The following GALNTL6 variants were observed in gnomAD, a reference collection of about 807,000 sequenced individuals.
GALNTL6 encodes the protein polypeptide N-acetylgalactosaminyltransferase like 6.
Under a neutral mutation model 73.7 loss-of-function variants are expected in GALNTL6, and 46 were observed. That is an observed-to-expected ratio of 0.62 (90% CI 0.49 to 0.80). GALNTL6 has a LOEUF of 0.80. Ranked by LOEUF, GALNTL6 falls within the 30% of genes least tolerant of loss-of-function variation. The probability of loss-of-function intolerance (pLI) is 0.00; values close to 1 mark genes in which losing one functional copy is unlikely to be tolerated. For synonymous variants in GALNTL6, 259 were observed against 263.7 expected (o/e 0.98, Z 0.17); for missense variants, 604 against 755.0 (o/e 0.80, Z 2.34).
chr4:172,364,185 G>T (rs963013841), intron 5 of GALNTL6, among the ~76,000 whole-genome samples: 1 of 152,200 alleles, frequency 6.6e-6, no homozygotes, highest in Non-Finnish European at 1.5e-5. Context: ...TCTGTGGGGA[G>T]CCAAAGGCAG....
chr4:172,079,943 C>T (rs1341087073), intron 2 of GALNTL6, among the ~76,000 whole-genome samples: 2 of 151,886 alleles, frequency 1.3e-5, no homozygotes, highest in Non-Finnish European at 2.9e-5. Flanking sequence ...CTTTTTCCTT[C>T]ATGATTTCTA....
At position 172,539,875 on chromosome 4, in the gene GALNTL6, T is replaced by TTATA. The variant is rs10589603; in HGVS notation, c.553+191215_553+191218dup. ...CATATATATATGATTATACATATGA[T>TTATA]TATATATATATATATATATATATAT... On this transcript the variant is annotated intron_variant, in intron 5 of 12. Coordinates refer to ENST00000506823, the MANE Select transcript of GALNTL6 (RefSeq NM_001034845.3). Among the ~76,000 whole-genome samples, 227 of 126,642 alleles carry TTATA rather than the reference T, an allele frequency of 1.8e-3. 1 individual carries two copies. Among genetic ancestry groups the TTATA allele is most frequent in the South Asian group, 8.3e-3 (30 of 3,604 alleles). The allele number at this position is 126,642 out of a possible 152,430, so 83.1% of individuals were successfully genotyped here. A position where few individuals can be genotyped will look rare whatever the true frequency, so the allele number is the denominator to read the frequency against.
rs1238725030 is a variant in GALNTL6, at chr4:172,375,832, T to TA, written c.553+27144dup. Among the ~76,000 whole-genome samples, 10 of 152,156 alleles carry TA rather than the reference T, an allele frequency of 6.6e-5. No homozygotes were observed. The South Asian group carries it at 1.2e-3, about 19-fold the overall frequency. The stretch of plus-strand genomic sequence containing the variant: ...TACCAACGCATTCTCAAAAACCTGT[T>TA]AGAGTCCTAGGCATTCACCTGTTAG... On this transcript the variant is annotated intron_variant, in intron 5 of 12. Transcript: ENST00000506823.
intron 5 of GALNTL6, among the ~76,000 whole-genome samples, chr4:172,797,540 C>T (rs185327585): frequency 1.3e-5 from 2 of 151,674 alleles, no homozygotes; most frequent in African/African-American, 2.4e-5. Flanking sequence ...CCACCACGCC[C>T]GGCCTATTTT....
At chr4:172,489,381 A>G (rs1038683174) in intron 5 of GALNTL6, among the ~76,000 whole-genome samples, 3 of 152,252 alleles carry the variant, frequency 2.0e-5, no homozygotes, top group Non-Finnish European at 2.9e-5. Flanking sequence ...GAACTTTAGA[A>G]AAGAAAAATT....
intron 5 of GALNTL6, among the ~76,000 whole-genome samples, chr4:172,499,162 G>T (rs1444781130): frequency 6.6e-6 from 1 of 152,136 alleles, no homozygotes; most frequent in Non-Finnish European, 1.5e-5. Context: ...CCTATGGACT[G>T]CAAGTTTGCA....
chr4:172,794,465 G>C (rs75704241), intron 5 of GALNTL6, among the ~76,000 whole-genome samples: 7,979 of 152,240 alleles, frequency 0.052, 370 homozygotes, highest in African/African-American at 0.12. Context: ...TAACGAGGAA[G>C]AGTGCTGTTA....
At chr4:172,266,421 A>T (rs1031079227) in intron 3 of GALNTL6, 2 of 152,124 alleles carry the variant, frequency 1.3e-5, no homozygotes, top group African/African-American at 4.8e-5. Context: ...AAGCAGCTGA[A>T]GGTGCAGTTT....
chr4:172,062,695 C>G (rs1218019151), intron 2 of GALNTL6, among the ~76,000 whole-genome samples: 1 of 152,206 alleles, frequency 6.6e-6, no homozygotes, highest in Non-Finnish European at 1.5e-5. Context: ...TAAGATACAA[C>G]CACATTTTTC....
intron 5 of GALNTL6, among the ~76,000 whole-genome samples, chr4:172,615,189 T>TAAA (rs34080019): frequency 2.7e-4 from 40 of 147,078 alleles, no homozygotes; most frequent in African/African-American, 9.8e-4. Context: ...GCAGGTAGTT[T>TAAA]AAAAAAAAAA....
chr4:172,445,609 G>T (rs1731990855), intron 5 of GALNTL6, among the ~76,000 whole-genome samples: 1 of 151,978 alleles, frequency 6.6e-6, no homozygotes, highest in Non-Finnish European at 1.5e-5. Context: ...CCTTCTATTT[G>T]GAAGATCAAC....
intron 9 of GALNTL6, among the ~76,000 whole-genome samples, chr4:172,950,281 T>C (rs916242139): frequency 4.6e-5 from 7 of 152,142 alleles, no homozygotes; most frequent in Non-Finnish European, 8.8e-5. Flanking sequence ...GCTGACGGGA[T>C]GGTAGGGTGC....
At chr4:172,992,475 G>T (rs1049391049) in intron 10 of GALNTL6, among the ~76,000 whole-genome samples, 1 of 151,936 alleles carries the variant, frequency 6.6e-6, no homozygotes, top group African/African-American at 2.4e-5. Context: ...GAACTAAAAG[G>T]CATTAAAGTT....
At chr4:172,085,560 C>T (rs1732006951) in intron 2 of GALNTL6, among the ~76,000 whole-genome samples, 1 of 151,778 alleles carries the variant, frequency 6.6e-6, no homozygotes, top group Non-Finnish European at 1.5e-5. Context: ...AATGAAAGAA[C>T]ATTAACAAAA....
intron 5 of GALNTL6, among the ~76,000 whole-genome samples, chr4:172,663,042 G>A (rs1382420429): frequency 6.6e-6 from 1 of 152,184 alleles, no homozygotes; most frequent in African/African-American, 2.4e-5. Context: ...AGCTTGGCAT[G>A]AGAAAGTAAT....
At chr4:172,526,533 C>A (rs1252282660) in intron 5 of GALNTL6, among the ~76,000 whole-genome samples, 1 of 152,144 alleles carries the variant, frequency 6.6e-6, no homozygotes, top group South Asian at 2.1e-4. Context: ...TTAAATATAG[C>A]ATCTATATAT....
At chr4:172,157,712 G>A (rs1245481520) in intron 2 of GALNTL6, among the ~76,000 whole-genome samples, 1 of 152,120 alleles carries the variant, frequency 6.6e-6, no homozygotes, top group East Asian at 1.9e-4. Flanking sequence ...TTAAAGATGG[G>A]TTTGATTTTT....
intron 2 of GALNTL6, among the ~76,000 whole-genome samples, chr4:171,948,645 C>T (rs1169050199): frequency 6.6e-6 from 1 of 152,110 alleles, no homozygotes; most frequent in African/African-American, 2.4e-5. Context: ...GGATACAAAA[C>T]TTGCCCTTAA....
At chr4:171,896,628 A>G (rs1217575145) in intron 2 of GALNTL6, among the ~76,000 whole-genome samples, 1 of 152,206 alleles carries the variant, frequency 6.6e-6, no homozygotes, top group Non-Finnish European at 1.5e-5. Flanking sequence ...TGGAAAGGAT[A>G]AGAGGTCTTT....
Sources: allele counts gnomAD v4.1 joint callset (sites outside exome capture counted in the v4.1 genomes callset), GRCh38; gene constraint gnomAD v4.1.1; transcripts MANE v1.5; gene names NCBI Gene and HGNC (gene_info 2026-07-23, HGNC 2026-07-21).